The following GALNT16 variants were observed in gnomAD, a reference collection of about 807,000 sequenced individuals.
GALNT16 encodes polypeptide N-acetylgalactosaminyltransferase 16.
A neutral mutation model predicts 76.1 loss-of-function variants in GALNT16; 40 were observed. That is an observed-to-expected ratio of 0.53 (90% CI 0.41 to 0.68). The LOEUF (loss-of-function observed/expected upper bound fraction) is 0.68, where lower values mean the gene tolerates loss of function less well. Among genes scored for constraint, GALNT16 ranks in the 30% least tolerant of loss-of-function variants. The pLI is 0.00. For missense variants in GALNT16, 621 were observed against 731.9 expected (o/e 0.85, Z 1.75); for synonymous variants, 276 against 285.2 (o/e 0.97, Z 0.32).
At chr14:69,328,675 A>G (rs1472949223) in intron 6 of GALNT16, 104 bp downstream of exon 6, 3 of 1,215,450 alleles carry the variant, frequency 2.5e-6, no homozygotes, top group African/African-American at 1.5e-5. Flanking sequence ...CAGGCATCGT[A>G]GGAAGCCCAA....
chr14:69,288,035 C>G (rs1285971410), intron 1 of GALNT16, among the ~76,000 whole-genome samples: 1 of 152,090 alleles, frequency 6.6e-6, no homozygotes, highest in Non-Finnish European at 1.5e-5. Flanking sequence ...GATCAGTGAC[C>G]CTCCAAGTCC....
chr14:69,319,422 G>C (rs1418323747), intron 1 of GALNT16, among the ~76,000 whole-genome samples: 1 of 152,226 alleles, frequency 6.6e-6, no homozygotes, highest in Non-Finnish European at 1.5e-5. Flanking sequence ...GCCTGTGATA[G>C]CATCCTCATG....
chr14:69,282,914 A>G (rs1045199066), intron 1 of GALNT16, among the ~76,000 whole-genome samples: 1 of 151,876 alleles, frequency 6.6e-6, no homozygotes, highest in South Asian at 2.1e-4. Flanking sequence ...GATTCTCCCA[A>G]CTTTGCCTCC....
At chr14:69,273,873 AG>A (rs1000844498) in intron 1 of GALNT16, among the ~76,000 whole-genome samples, 11 of 152,170 alleles carry the variant, frequency 7.2e-5, no homozygotes, top group Non-Finnish European at 1.5e-4. Flanking sequence ...AAGAAATGGG[AG>A]GGGTTGGCTC....
chr14:69,281,628 T>G (rs1311240649), intron 1 of GALNT16, among the ~76,000 whole-genome samples: 1 of 152,142 alleles, frequency 6.6e-6, no homozygotes, highest in Non-Finnish European at 1.5e-5. Flanking sequence ...TGCATCCCTG[T>G]GTAGTCATGA....
the GALNT16 span, chr14:69,380,486 T>C: frequency 6.8e-6 from 7 of 1,030,242 alleles, no homozygotes; most frequent in Non-Finnish European, 1.1e-5. Context: ...CAGCACGCTG[T>C]ACACACCTGT....
chr14:69,324,843 T>A, intron 3 of GALNT16, 53 bp downstream of exon 3: 3 of 1,229,772 alleles, frequency 2.4e-6, no homozygotes, highest in Non-Finnish European at 3.4e-6. Context: ...GGGAGGACAT[T>A]GGGATTGGGC....
At chr14:69,272,385 A>G (rs770549508) in intron 1 of GALNT16, among the ~76,000 whole-genome samples, 2 of 152,082 alleles carry the variant, frequency 1.3e-5, no homozygotes, top group East Asian at 3.8e-4. Flanking sequence ...AAATAAATAC[A>G]TAAATAAAAA....
intron 1 of GALNT16, among the ~76,000 whole-genome samples, chr14:69,286,340 T>A (rs1278984319): frequency 6.6e-6 from 1 of 151,110 alleles, no homozygotes; most frequent in Non-Finnish European, 1.5e-5. Flanking sequence ...CTCGCTATTG[T>A]AGCCCAGGCT....
At chr14:69,340,866 G>A (rs1432556077) in intron 11 of GALNT16, among the ~76,000 whole-genome samples, 1 of 144,256 alleles carries the variant, frequency 6.9e-6, no homozygotes, top group Non-Finnish European at 1.5e-5. Context: ...AGGGCTGACT[G>A]TACATGGGGC....
the GALNT16 span, among the ~76,000 whole-genome samples, chr14:69,382,974 CAG>C: frequency 6.6e-6 from 1 of 152,106 alleles, no homozygotes. Flanking sequence ...TATATAAGAA[CAG>C]AAGCTGTGGG....
chr14:69,325,294 T>C, intron 3 of GALNT16, 43 bp from the exon 4 acceptor site: 1 of 1,260,006 alleles, frequency 7.9e-7, no homozygotes, highest in Non-Finnish European at 1.2e-6. Flanking sequence ...TGGGAGGTGG[T>C]TCCTAAATCC....
At chr14:69,268,467 A>G (rs1341401299) in intron 1 of GALNT16, among the ~76,000 whole-genome samples, 1 of 152,190 alleles carries the variant, frequency 6.6e-6, no homozygotes, top group East Asian at 1.9e-4. Context: ...GACAGCTGAT[A>G]GCAAAGGCCT....
At chr14:69,282,914 A>C (rs1045199066) in intron 1 of GALNT16, among the ~76,000 whole-genome samples, 4 of 151,876 alleles carry the variant, frequency 2.6e-5, no homozygotes, top group Non-Finnish European at 5.9e-5. Context: ...GATTCTCCCA[A>C]CTTTGCCTCC....
At chr14:69,331,253 G>A (rs905184756) in intron 6 of GALNT16, among the ~76,000 whole-genome samples, 1 of 152,194 alleles carries the variant, frequency 6.6e-6, no homozygotes, top group African/African-American at 2.4e-5. Flanking sequence ...GAGAGTACAT[G>A]GGAGCCAAAT....
the GALNT16 span, among the ~76,000 whole-genome samples, chr14:69,367,641 A>G: frequency 6.7e-6 from 1 of 148,548 alleles, no homozygotes; most frequent in African/African-American, 2.5e-5. Context: ...GGGCTGTGCA[A>G]GGCAAAAAAA....
chr14:69,342,410 G>A (rs1352407629), intron 12 of GALNT16, among the ~76,000 whole-genome samples: 6 of 143,220 alleles, frequency 4.2e-5, no homozygotes, highest in Non-Finnish European at 9.1e-5. Context: ...AAGTGTTAGG[G>A]TGAGGAAGAG....
chr14:69,288,283 A>G (rs1394296434), intron 1 of GALNT16, among the ~76,000 whole-genome samples: 4 of 152,200 alleles, frequency 2.6e-5, no homozygotes, highest in African/African-American at 4.8e-5. Flanking sequence ...GCATCCCGGC[A>G]GGACTCTTCC....
At chr14:69,271,829 G>A (rs1375701851) in intron 1 of GALNT16, among the ~76,000 whole-genome samples, 1 of 152,134 alleles carries the variant, frequency 6.6e-6, no homozygotes, top group African/African-American at 2.4e-5. Context: ...GAAATCTGCT[G>A]TAAAATATAT....
Sources: allele counts gnomAD v4.1 joint callset (sites outside exome capture counted in the v4.1 genomes callset), GRCh38; gene constraint gnomAD v4.1.1; transcripts MANE v1.5; gene names NCBI Gene and HGNC (gene_info 2026-07-23, HGNC 2026-07-21).